SKI: variants seen among roughly 807,000 people sequenced by gnomAD.
SKI encodes ski oncogene.
SKI carries 23 observed loss-of-function variants against 59.3 expected under a neutral mutation model. The observed-to-expected ratio is 0.39, with a 90% CI of 0.28 to 0.55. The LOEUF (loss-of-function observed/expected upper bound fraction) is 0.55. Among genes scored for constraint, SKI ranks in the 20% least tolerant of loss-of-function variants. SKI has a pLI of 0.67. For missense variants in SKI, 1,017 were observed against 1,038.9 expected, an observed-to-expected ratio of 0.98 and a Z score of 0.29; for synonymous variants, 673 against 488.6, an observed-to-expected ratio of 1.38 and a Z score of -4.98.
Position 2,304,600 on chromosome 1 carries a change from T to G in SKI, c.1767+15T>G. 6.5e-7 allele frequency: 1 copy of G among 1,541,550 alleles called. No homozygotes were observed. The highest frequency in any genetic ancestry group is 1.2e-5 in the South Asian group (1 of 82,966). ...GCCTCCACCAGGTGAGCGGGGCGAG[T>G]GGTGCTGGGAGGTCCAGGGCACGGG... On this transcript the variant is annotated intron_variant, in intron 5 of 6. Coordinates refer to ENST00000378536, the MANE Select transcript of SKI (RefSeq NM_003036.4).
At chr1:2,241,805 T>C (rs1242346323) in intron 1 of SKI, among the ~76,000 whole-genome samples, 1 of 152,232 alleles carries the variant, frequency 6.6e-6, no homozygotes, top group Non-Finnish European at 1.5e-5. Flanking sequence ...CCATGACCCA[T>C]TACCTTGCCT....
chr1:2,234,671 C>T (rs975234426), intron 1 of SKI, among the ~76,000 whole-genome samples: 16 of 152,310 alleles, frequency 1.1e-4, no homozygotes, highest in Admixed American at 2.0e-4. Flanking sequence ...TCCACGCCGG[C>T]GGCCCGGCTC....
In SKI at chr1:2,303,226, G is replaced by C; in HGVS notation, c.1096-59G>C. On this transcript the variant is annotated intron_variant, in intron 2 of 6. Transcript: ENST00000378536. The surrounding 1 kb of genome is among the most constrained non-coding windows in gnomAD (Gnocchi z 5.6). Reference sequence around the variant, plus strand: ...GGGCTGGCACCCGGCGCAGCCTCAGGGACATGAAGTGGCTTGTTTTTCTCC... The same window carrying C: ...GGGCTGGCACCCGGCGCAGCCTCAGCGACATGAAGTGGCTTGTTTTTCTCC... The C allele has an allele frequency of 6.2e-7, 1 of 1,602,350 alleles. No homozygotes were observed. The highest frequency in any genetic ancestry group is 8.5e-7 in the Non-Finnish European group (1 of 1,171,058).
intron 1 of SKI, among the ~76,000 whole-genome samples, chr1:2,287,609 T>C (rs1395682544): frequency 6.6e-6 from 1 of 152,208 alleles, no homozygotes; most frequent in Non-Finnish European, 1.5e-5. Flanking sequence ...GTAGGTGTGC[T>C]CTGCCTGTGG....
chr1:2,265,516 A>G (rs1639484076), intron 1 of SKI, among the ~76,000 whole-genome samples: 1 of 152,242 alleles, frequency 6.6e-6, no homozygotes, highest in African/African-American at 2.4e-5. Flanking sequence ...ATACACTGTA[A>G]TAACAGTTCC....
intron 1 of SKI, among the ~76,000 whole-genome samples, chr1:2,282,819 A>G (rs1639937801): frequency 6.6e-6 from 1 of 152,048 alleles, no homozygotes; most frequent in African/African-American, 2.4e-5. Context: ...ACATGCTACT[A>G]GTGACATTCG....
intron 1 of SKI, among the ~76,000 whole-genome samples, chr1:2,287,645 G>A (rs1469667757): frequency 6.6e-6 from 1 of 152,074 alleles, no homozygotes; most frequent in Non-Finnish European, 1.5e-5. Flanking sequence ...GTCTCAAGGT[G>A]GGCTACGAGG....
In SKI at chr1:2,303,457, G is replaced by A. The variant is rs1488398755; in HGVS notation, c.1211+57G>A. 2.7e-6 allele frequency: 4 copies of A among 1,476,102 alleles called. No individual in the cohort carries two copies. The highest frequency in any genetic ancestry group is 4.5e-5 in the East Asian group (2 of 44,064). The allele number at this position is 1,476,102 out of a possible 1,614,324, so 91.4% of individuals were successfully genotyped here. On this transcript the variant is annotated intron_variant, in intron 3 of 6. Coordinates refer to ENST00000378536, the MANE Select transcript of SKI (RefSeq NM_003036.4). This position sits in a 1 kb window ranked among gnomAD's most constrained non-coding sequence, Gnocchi z 5.6. ...TCACGGGGGAGGCTCCACGAGGGCT[G>A]TGCATGCGGACGCGCCCATGTTTCT...
intron 1 of SKI, among the ~76,000 whole-genome samples, chr1:2,293,787 C>T (rs943596571): frequency 6.6e-6 from 1 of 152,192 alleles, no homozygotes; most frequent in African/African-American, 2.4e-5. Context: ...TGTCCCAGCC[C>T]CCGTTTCCCC....
At chr1:2,246,759 A>AGAGT (rs1491272977) in intron 1 of SKI, among the ~76,000 whole-genome samples, 1 of 152,148 alleles carries the variant, frequency 6.6e-6, no homozygotes, top group African/African-American at 2.4e-5. Context: ...AGGGAGTCTC[A>AGAGT]GAGAGTGCGG....
intron 1 of SKI, among the ~76,000 whole-genome samples, chr1:2,262,780 GGTTACTAAT>G (rs780323354): frequency 9.2e-5 from 14 of 152,148 alleles, no homozygotes; most frequent in African/African-American, 1.4e-4. Flanking sequence ...TTCTATTTCA[GGTTACTAAT>G]GTGATGAATT....
intron 1 of SKI, among the ~76,000 whole-genome samples, chr1:2,232,876 T>C (rs567304012): frequency 2.0e-5 from 3 of 152,352 alleles, no homozygotes; most frequent in South Asian, 4.1e-4. Context: ...ATTGTGCTGC[T>C]GGGAGCACTT....
At chr1:2,237,391 T>C (rs926369450) in intron 1 of SKI, among the ~76,000 whole-genome samples, 2 of 152,160 alleles carry the variant, frequency 1.3e-5, no homozygotes, top group African/African-American at 4.8e-5. Context: ...TGGTTTCCTT[T>C]GATGTCAGTC....
At chr1:2,239,939 A>C (rs1223285283) in intron 1 of SKI, among the ~76,000 whole-genome samples, 2 of 151,830 alleles carry the variant, frequency 1.3e-5, no homozygotes, top group African/African-American at 4.8e-5. Context: ...CAGTGCCCCC[A>C]CCCCTGTTCG....
intron 1 of SKI, chr1:2,240,604 C>G (rs1385172289): frequency 4.1e-6 from 4 of 985,316 alleles, no homozygotes; most frequent in Non-Finnish European, 4.8e-6. Context: ...TTTTAAGAAG[C>G]AGAGTTCTCT....
Position 2,304,012 on chromosome 1 carries a change from C to T in SKI, c.1384C>T (p.Pro462Ser). Residue 462 changes from proline (P) to serine (S), a missense_variant, in exon 4 of 7, where the codon CCA becomes TCA. Coordinates refer to ENST00000378536, the MANE Select transcript of SKI (RefSeq NM_003036.4). ...GAAGCGGAAGCTGACTGTGGACACC[C>T]CAGGAGCCCCAGAGACGCTGGCGCC... is the stretch of plus-strand genomic sequence containing the variant. ...PRKRKLTVDT[P>S]GAPETLAPVA... is the part of the protein sequence containing the mutation. 2.5e-6 allele frequency: 4 copies of T among 1,612,538 alleles called. No individual in the cohort carries two copies. The highest frequency in any genetic ancestry group is 3.4e-6 in the Non-Finnish European group (4 of 1,179,862).
chr1:2,306,276 C>G lies in SKI; in HGVS notation c.1998+26C>G, dbSNP rs893642617. 3.3e-6 allele frequency: 5 copies of G among 1,525,726 alleles called. No homozygotes were observed. The African/African-American group carries it at 6.9e-5, about 21-fold the overall frequency. The allele number at this position is 1,525,726 out of a possible 1,614,324, so 94.5% of individuals were successfully genotyped here. On this transcript the variant is annotated intron_variant, in intron 6 of 6. Coordinates refer to ENST00000378536, the MANE Select transcript of SKI (RefSeq NM_003036.4). Reference sequence around the variant, plus strand: ...GTATGCGGGTGGGGAGACTGAGGCACGCAGCACGGTGGGCGTGGAGCCGCC... The same window carrying G: ...GTATGCGGGTGGGGAGACTGAGGCAGGCAGCACGGTGGGCGTGGAGCCGCC...
chr1:2,288,075 A>G (rs1418146190), intron 1 of SKI, among the ~76,000 whole-genome samples: 1 of 137,806 alleles, frequency 7.3e-6, no homozygotes, highest in African/African-American at 2.7e-5. Flanking sequence ...CCCAACCTCC[A>G]CCTCCCGGGT....
chr1:2,237,088 G>A (rs937560941), intron 1 of SKI, among the ~76,000 whole-genome samples: 8 of 152,194 alleles, frequency 5.3e-5, no homozygotes, highest in African/African-American at 1.9e-4. Context: ...CTGGGTTCTT[G>A]TGTGGCCCTT....
Sources: allele counts gnomAD v4.1 joint callset (sites outside exome capture counted in the v4.1 genomes callset), GRCh38; gene constraint gnomAD v4.1.1; non-coding constraint Gnocchi (gnomAD v3.1); transcripts MANE v1.5; gene names NCBI Gene and HGNC (gene_info 2026-07-23, HGNC 2026-07-21).